ANK2: variants seen among roughly 807,000 people sequenced by gnomAD.
ANK2 encodes the protein ankyrin-2.
Under a neutral mutation model 360.5 loss-of-function variants are expected in ANK2, and 83 were observed. The ratio of observed to expected loss-of-function variants is 0.23; its 90% CI spans 0.19 to 0.28. ANK2 has a LOEUF of 0.28. Among genes scored for constraint, ANK2 ranks in the 10% least tolerant of loss-of-function variants. The probability of loss-of-function intolerance (pLI) is 1.00; values close to 1 mark genes in which losing one functional copy is unlikely to be tolerated. For missense variants in ANK2, 4,201 were observed against 4,795.7 expected, an observed-to-expected ratio of 0.88 and a Z score of 3.66; for synonymous variants, 1,740 against 1,759.5, an observed-to-expected ratio of 0.99 and a Z score of 0.28.
the ANK2 span, among the ~76,000 whole-genome samples, chr4:112,764,899 T>TTTCTC: frequency 6.6e-6 from 1 of 151,650 alleles, no homozygotes; most frequent in Non-Finnish European, 1.5e-5. Context: ...AGAGACGGAG[T>TTTCTC]TTCTCCATGT....
chr4:113,071,268 A>G (rs2077456456), intron 1 of ANK2, among the ~76,000 whole-genome samples: 1 of 152,242 alleles, frequency 6.6e-6, no homozygotes, highest in Non-Finnish European at 1.5e-5. Context: ...CGCGTGTGAC[A>G]GCAGGCTTCA....
Position 113,325,222 on chromosome 4 carries a change from C to T in ANK2, c.2901-5024C>T, listed in dbSNP as rs371124591. 2.0e-5 allele frequency among the ~76,000 whole-genome samples: 3 copies of T among 152,144 alleles called. No homozygotes were observed. In the East Asian group the frequency reaches 5.8e-4, roughly 29 times the overall value. ...CAATGTTTAGTGCAGTGTGTGTACA[C>T]ATTTTCTGCAAAACAGCTGTTTTAA... On this transcript the variant is annotated intron_variant, in intron 26 of 45. Coordinates refer to ENST00000357077, the MANE Select transcript of ANK2 (RefSeq NM_001148.6).
At chr4:113,138,365 C>G (rs1459495830) in intron 1 of ANK2, among the ~76,000 whole-genome samples, 1 of 152,200 alleles carries the variant, frequency 6.6e-6, no homozygotes, top group African/African-American at 2.4e-5. Flanking sequence ...CAGTAACTCT[C>G]TGATGTCGGT....
chr4:113,350,176 A>G (rs973630640), intron 36 of ANK2, 52 bp from the exon 37 acceptor site: 20 of 1,564,392 alleles, frequency 1.3e-5, no homozygotes, highest in Non-Finnish European at 1.7e-5. Context: ...ACCAGGGGCT[A>G]TGAGCCAAGG....
chr4:112,972,395 C>A (rs1328715612), intron 2 of ANK2, among the ~76,000 whole-genome samples: 1 of 152,084 alleles, frequency 6.6e-6, no homozygotes, highest in Non-Finnish European at 1.5e-5. Flanking sequence ...TTCCCTGTGT[C>A]CATGTGATCA....
chr4:112,896,957 C>G lies in ANK2; in HGVS notation c.-39-7498C>G, dbSNP rs563391706. Among the ~76,000 whole-genome samples the G allele has an allele frequency of 1.1e-3, 168 of 152,276 alleles. 1 individual carries two copies. Among genetic ancestry groups the G allele is most frequent in the African/African-American group, 3.8e-3 (156 of 41,564 alleles). ...CAGATACGCCAATAAAGTGAAGCCTCTGTATGAAAGGGGACGATAACTCCT... is the reference window on the plus strand; with the variant it reads ...CAGATACGCCAATAAAGTGAAGCCTGTGTATGAAAGGGGACGATAACTCCT... On this transcript the variant is annotated intron_variant, in intron 1 of 30. Coordinates refer to the ANK2 transcript ENST00000503271.
Position 113,031,303 on chromosome 4 carries a change from C to A in ANK2, c.21+126789C>A, listed in dbSNP as rs1462383909. The A allele has an allele frequency of 2.0e-4, 31 of 151,952 alleles. 1 individual carries two copies. Among genetic ancestry groups the A allele is most frequent in the Non-Finnish European group, 4.6e-4 (31 of 67,966 alleles). The allele number at this position is 151,952 out of a possible 1,614,324, so 9.4% of individuals were successfully genotyped here. On this transcript the variant is annotated intron_variant, in intron 2 of 30. Transcript: ENST00000503271. ...ATTTATTAATTGGCTCAAAATTTCT[C>A]TTTATTGCATTTTTCTGGAGATATT...
chr4:113,311,105 G>T, intron 23 of ANK2, 150 bp from the exon 24 acceptor site: 1 of 930,166 alleles, frequency 1.1e-6, no homozygotes, highest in Admixed American at 1.9e-5. Flanking sequence ...GCACTGTATA[G>T]TTGTTTGCTG....
intron 4 of ANK2, among the ~76,000 whole-genome samples, chr4:113,200,958 G>C (rs1414820104): frequency 1.3e-5 from 2 of 152,058 alleles, no homozygotes; most frequent in Non-Finnish European, 2.9e-5. Flanking sequence ...GATGGGTGCA[G>C]CAAACCAATA....
chr4:113,234,511 T>C (rs1373126145), intron 5 of ANK2, among the ~76,000 whole-genome samples: 3 of 152,204 alleles, frequency 2.0e-5, no homozygotes, highest in Non-Finnish European at 4.4e-5. Context: ...GACAAATCTT[T>C]ACATATTCCT....
rs2095842682 is a variant in ANK2, at chr4:113,357,182, T to C, written c.8564T>C (p.Val2855Ala). 1.2e-6 allele frequency: 2 copies of C among 1,614,016 alleles called. No individual in the cohort carries two copies. The highest frequency in any genetic ancestry group is 1.7e-5 in the Admixed American group (1 of 59,998). ...TCATCCTCTTTGCCTCATTGTTTGG[T>C]ATCTGAAGGAAAAGAATTAGATGAA... ...SSSSSLPHCLVSEGKELDEDI... is the reference protein window; with the variant it reads ...SSSSSLPHCLASEGKELDEDI... The change falls in exon 38 of 46, where the codon GTA (valine) becomes GCA (alanine). Residue 2855 changes from valine to alanine, a missense_variant. By Grantham distance (64) the Val-to-Ala change is moderately conservative. Coordinates refer to ENST00000357077, the MANE Select transcript of ANK2 (RefSeq NM_001148.6).
At chr4:112,962,099 T>C (rs148106339) in intron 2 of ANK2, among the ~76,000 whole-genome samples, 257 of 152,274 alleles carry the variant, frequency 1.7e-3, no homozygotes, top group Non-Finnish European at 2.7e-3. Context: ...TTTCCAACTT[T>C]TATTTTAGAT....
chr4:112,844,919 C>G (rs954759640), intron 1 of ANK2, among the ~76,000 whole-genome samples: 2 of 152,168 alleles, frequency 1.3e-5, no homozygotes, highest in African/African-American at 4.8e-5. Flanking sequence ...AAGGAGTTTG[C>G]TGTGTAATAT....
At chr4:113,295,398 T>C (rs1393903547) in intron 22 of ANK2, among the ~76,000 whole-genome samples, 1 of 152,120 alleles carries the variant, frequency 6.6e-6, no homozygotes, top group Non-Finnish European at 1.5e-5. Context: ...GTGAATGACT[T>C]CAAACAAAGA....
intron 1 of ANK2, among the ~76,000 whole-genome samples, chr4:112,876,862 GGTACCCCT>G (rs1182183157): frequency 6.6e-6 from 1 of 152,068 alleles, no homozygotes; most frequent in African/African-American, 2.4e-5. Context: ...GGATCACTGA[GGTACCCCT>G]GTCTCCATTA....
chr4:113,214,861 C>G (rs556148354), intron 4 of ANK2, among the ~76,000 whole-genome samples: 7 of 152,084 alleles, frequency 4.6e-5, no homozygotes, highest in Non-Finnish European at 8.8e-5. Flanking sequence ...AAGTACACAT[C>G]ATTTCACTTA....
At position 113,356,486 on chromosome 4, in the gene ANK2, C is replaced by G. The variant is rs116253689; in HGVS notation, c.7868C>G (p.Ser2623Cys). The change falls in exon 38 of 46, where the codon TCT becomes TGT. Residue 2623 changes from serine (S) to cysteine (C), a missense_variant. Transcript: ENST00000357077. ...CCCAAACAAGAAGAATCTTCTTCAT[C>G]TTCTGACCCAGATGCTGACTGTTCA... ...KEPKQEESSS[S>C]SDPDADCSVD... 2.3e-5 allele frequency: 37 copies of G among 1,614,170 alleles called. No homozygotes were observed. The African/African-American group carries it at 4.4e-4, about 19-fold the overall frequency.
chr4:113,180,814 A>G (rs553664913), intron 2 of ANK2, among the ~76,000 whole-genome samples: 60 of 152,340 alleles, frequency 3.9e-4, no homozygotes, highest in Admixed American at 2.6e-4. Context: ...ACAAATATAT[A>G]TGCAAAAATA....
chr4:113,352,815 G>A (rs1331458751), intron 37 of ANK2, among the ~76,000 whole-genome samples: 2 of 151,506 alleles, frequency 1.3e-5, no homozygotes, highest in Non-Finnish European at 2.9e-5. Flanking sequence ...GAAAAATTAA[G>A]CAAGTTATTT....
Sources: allele counts gnomAD v4.1 joint callset (sites outside exome capture counted in the v4.1 genomes callset), GRCh38; gene constraint gnomAD v4.1.1; transcripts MANE v1.5; gene names NCBI Gene and HGNC (gene_info 2026-07-23, HGNC 2026-07-21).